Variants in ERG observed in about 807,000 individuals in gnomAD.
The protein encoded by ERG is ETS transcription factor ERG.
A neutral mutation model predicts 55.3 loss-of-function variants in ERG; 9 were observed. That is an observed-to-expected ratio of 0.16 (90% CI 0.10 to 0.28). The LOEUF is 0.28. Among genes scored for constraint, ERG ranks in the 10% least tolerant of loss-of-function variants. The pLI is 1.00. For missense variants in ERG, 434 were observed against 631.6 expected (o/e 0.69, Z 3.35); for synonymous variants, 223 against 237.3 (o/e 0.94, Z 0.55).
At chr21:38,436,309 A>C (rs951037468) in intron 2 of ERG, among the ~76,000 whole-genome samples, 1 of 152,206 alleles carries the variant, frequency 6.6e-6, no homozygotes, top group Non-Finnish European at 1.5e-5. Flanking sequence ...AGGTGAGTGC[A>C]GGTGAACTGA....
intron 2 of ERG, among the ~76,000 whole-genome samples, chr21:38,507,210 G>A (rs1285929294): frequency 6.6e-6 from 1 of 152,210 alleles, no homozygotes; most frequent in Non-Finnish European, 1.5e-5. Flanking sequence ...TTCACAGGAG[G>A]GGTCCACTGG....
chr21:38,412,658 CA>C (rs1989111716), intron 3 of ERG, among the ~76,000 whole-genome samples: 2 of 152,292 alleles, frequency 1.3e-5, no homozygotes, highest in South Asian at 4.1e-4. Context: ...CAATTAGCAA[CA>C]AACTCTCTTT....
intron 6 of ERG, among the ~76,000 whole-genome samples, chr21:38,396,729 G>T (rs139754016): frequency 1.3e-5 from 2 of 152,202 alleles, no homozygotes; most frequent in East Asian, 1.9e-4. Flanking sequence ...GTTAATAGGG[G>T]CTTGCAAGAT....
At chr21:38,620,541 T>C (rs1372845286) in intron 1 of ERG, among the ~76,000 whole-genome samples, 4 of 152,360 alleles carry the variant, frequency 2.6e-5, no homozygotes, top group Non-Finnish European at 2.9e-5. Flanking sequence ...AGGTAAGGAA[T>C]GGAATTTTTA....
At chr21:38,525,580 C>A (rs2059624301) in intron 2 of ERG, among the ~76,000 whole-genome samples, 1 of 152,202 alleles carries the variant, frequency 6.6e-6, no homozygotes, top group Admixed American at 6.5e-5. Context: ...GCTTGTGAGT[C>A]ATTTCTCTAC....
upstream of ERG, among the ~76,000 whole-genome samples, chr21:38,501,806 C>T (rs1413855884): frequency 2.0e-5 from 3 of 152,152 alleles, no homozygotes; most frequent in East Asian, 5.8e-4. Context: ...CAAACCCATC[C>T]CCTGTGAATC....
rs80167219 is a variant in ERG, at chr21:38,622,224, C to A, written c.-149-37279G>T. Among the ~76,000 whole-genome samples, 754 of 152,320 alleles carry A rather than the reference C, an allele frequency of 5.0e-3. 4 individuals carry two copies. The highest frequency in any genetic ancestry group is 8.1e-3 in the Non-Finnish European group (549 of 68,012). The stretch of plus-strand genomic sequence containing the variant: ...GGCCTTCTCATGCTCCACGTGTAAA[C>A]GTAACTCACCAAACAGGGCCCCTGC... On this transcript the variant is annotated intron_variant, in intron 1 of 10. Transcript: ENST00000398910.
intron 2 of ERG, among the ~76,000 whole-genome samples, chr21:38,574,283 C>T (rs765341645): frequency 5.9e-5 from 9 of 152,324 alleles, no homozygotes; most frequent in East Asian, 1.9e-4. Flanking sequence ...CCAGCACTTC[C>T]GAAGAAACCT....
intron 1 of ERG, among the ~76,000 whole-genome samples, chr21:38,581,887 C>A (rs1477675851): frequency 6.6e-6 from 1 of 151,956 alleles, no homozygotes; most frequent in African/African-American, 2.4e-5. Context: ...ACTGAAAATA[C>A]AAAAGATTAG....
chr21:38,561,414 C>G (rs1290846303), intron 2 of ERG, among the ~76,000 whole-genome samples: 1 of 149,784 alleles, frequency 6.7e-6, no homozygotes, highest in Non-Finnish European at 1.5e-5. Context: ...CTCTAGGTCA[C>G]TTTTGTAACA....
At chr21:38,547,311 A>AAT (rs1170759134) in intron 2 of ERG, among the ~76,000 whole-genome samples, 2 of 152,224 alleles carry the variant, frequency 1.3e-5, no homozygotes, top group Non-Finnish European at 2.9e-5. Context: ...GAGAGGGAAG[A>AAT]AGGTACGAAG....
At chr21:38,385,631 G>C (rs1987661218) in intron 9 of ERG, among the ~76,000 whole-genome samples, 1 of 152,146 alleles carries the variant, frequency 6.6e-6, no homozygotes, top group South Asian at 2.1e-4. Flanking sequence ...TTTCAGTCTA[G>C]CAACACATTT....
chr21:38,404,594 C>T (rs1988672874), intron 3 of ERG, among the ~76,000 whole-genome samples: 1 of 152,180 alleles, frequency 6.6e-6, no homozygotes, highest in Non-Finnish European at 1.5e-5. Flanking sequence ...GGGCCCCGAG[C>T]CCTGAGAGAC....
At chr21:38,479,911 C>T (rs1301058720) in intron 1 of ERG, among the ~76,000 whole-genome samples, 1 of 152,180 alleles carries the variant, frequency 6.6e-6, no homozygotes, top group Non-Finnish European at 1.5e-5. Flanking sequence ...CTTGTAAGTA[C>T]AGAACTTTCA....
At chr21:38,659,865 G>A (rs1168024256) in intron 1 of ERG, among the ~76,000 whole-genome samples, 1 of 152,126 alleles carries the variant, frequency 6.6e-6, no homozygotes, top group Non-Finnish European at 1.5e-5. Context: ...AGCAATAAAC[G>A]GACGATGTAT....
At chr21:38,635,053 G>T (rs947686203) in intron 1 of ERG, among the ~76,000 whole-genome samples, 33 of 152,174 alleles carry the variant, frequency 2.2e-4, no homozygotes, top group African/African-American at 7.7e-4. Context: ...AATATGAAAA[G>T]CCTACATACT....
chr21:38,525,250 C>T (rs1290076480), intron 2 of ERG, among the ~76,000 whole-genome samples: 1 of 152,178 alleles, frequency 6.6e-6, no homozygotes, highest in Non-Finnish European at 1.5e-5. Context: ...ACACCCCTCA[C>T]ATCTTCCCCG....
intron 1 of ERG, among the ~76,000 whole-genome samples, chr21:38,624,357 C>T (rs1374957975): frequency 1.8e-4 from 28 of 152,204 alleles, no homozygotes; most frequent in Admixed American, 1.8e-3. Context: ...GGGCTTAAAA[C>T]CGAGATGACG....
At chr21:38,493,979 C>T (rs1788651033) in intron 1 of ERG, among the ~76,000 whole-genome samples, 1 of 152,136 alleles carries the variant, frequency 6.6e-6, no homozygotes, top group African/African-American at 2.4e-5. Flanking sequence ...AGGTTACATC[C>T]GCGGGGGGGC....
Sources: allele counts gnomAD v4.1 joint callset (sites outside exome capture counted in the v4.1 genomes callset), GRCh38; gene constraint gnomAD v4.1.1; transcripts MANE v1.5; gene names NCBI Gene and HGNC (gene_info 2026-07-23, HGNC 2026-07-21).